Variants in SCRIB observed in about 807,000 individuals in gnomAD.
The protein encoded by SCRIB is scribble planar cell polarity protein.
SCRIB carries 72 observed loss-of-function variants against 170.0 expected under a neutral mutation model. The ratio of observed to expected loss-of-function variants is 0.42; its 90% CI spans 0.35 to 0.52. The LOEUF is 0.52. Among genes scored for constraint, SCRIB ranks in the 20% least tolerant of loss-of-function variants. The probability of loss-of-function intolerance (pLI) is 0.02; values close to 1 mark genes in which losing one functional copy is unlikely to be tolerated. For synonymous variants in SCRIB, 1,298 were observed against 1,044.3 expected, an observed-to-expected ratio of 1.24 and a Z score of -4.68; for missense variants, 2,475 against 2,338.5, an observed-to-expected ratio of 1.06 and a Z score of -1.20.
chr8:143,810,327 T>C, intron 13 of SCRIB, 152 bp downstream of exon 13: 3 of 1,185,478 alleles, frequency 2.5e-6, no homozygotes, highest in Non-Finnish European at 3.5e-6. Context: ...CAGCTGGCCC[T>C]GCAGCTCCAT....
Position 143,791,834 on chromosome 8 carries a change from T to A in SCRIB, c.4695+42A>T, listed in dbSNP as rs1402515561. ...GGGGGCAGGCCAGACCCCACCCCCA[T>A]GCCTCGGGGGTGAAGGGAAGGCATA... On this transcript the variant is annotated intron_variant, in intron 34 of 36. Transcript: ENST00000356994. The A allele has an allele frequency of 9.4e-6, 14 of 1,493,914 alleles. No homozygotes were observed. The African/African-American group carries it at 1.2e-4, about 13-fold the overall frequency. The allele number at this position is 1,493,914 out of a possible 1,614,324, so 92.5% of individuals were successfully genotyped here. A position where few individuals can be genotyped will look rare whatever the true frequency, so the allele number is the denominator to read the frequency against.
In SCRIB at chr8:143,814,151, G is replaced by C. The variant is rs562385156; in HGVS notation, c.160-33C>G. On this transcript the variant is annotated intron_variant, in intron 1 of 36. Coordinates refer to ENST00000356994, the MANE Select transcript of SCRIB (RefSeq NM_182706.5). ...CAGGGAGGACACGGACTCTGTGGCAGAGACCACTGCAGAGCAGAGAAGAGC... is the reference window on the plus strand; with the variant it reads ...CAGGGAGGACACGGACTCTGTGGCACAGACCACTGCAGAGCAGAGAAGAGC... 8.6e-6 allele frequency: 13 copies of C among 1,516,398 alleles called. No individual in the cohort carries two copies. The East Asian group carries it at 1.7e-4, about 20-fold the overall frequency. The allele number at this position is 1,516,398 out of a possible 1,614,324, so 93.9% of individuals were successfully genotyped here.
At chr8:143,802,188 C>T (rs781825603) in intron 24 of SCRIB, among the ~76,000 whole-genome samples, 1 of 152,248 alleles carries the variant, frequency 6.6e-6, no homozygotes, top group African/African-American at 2.4e-5. Context: ...CCCTCAAGGA[C>T]AGGAGGGGAC....
intron 24 of SCRIB, among the ~76,000 whole-genome samples, chr8:143,798,655 CAA>C (rs35169751): frequency 6.6e-6 from 1 of 152,100 alleles, no homozygotes; most frequent in African/African-American, 2.4e-5. Context: ...TATAAAATTA[CAA>C]AAGTTAGTAA....
At chr8:143,793,120 GCTGTCGGGGCTGCAGCT>G in intron 28 of SCRIB, 37 bp from the exon 29 acceptor site, 1 of 1,211,922 alleles carries the variant, frequency 8.3e-7, no homozygotes, top group Non-Finnish European at 1.1e-6. Context: ...TGCTGGGGCA[GCTGTCGGGGCTGCAGCT>G]GTGTGCAACT....
At chr8:143,813,260 T>A (rs1173106117) in intron 6 of SCRIB, 51 bp downstream of exon 6, 2 of 1,610,140 alleles carry the variant, frequency 1.2e-6, no homozygotes, top group Non-Finnish European at 1.7e-6. Context: ...TTCTTTGCCC[T>A]TGCTTCCGTG....
intron 24 of SCRIB, among the ~76,000 whole-genome samples, chr8:143,796,472 C>T (rs1814949177): frequency 6.6e-6 from 1 of 152,142 alleles, no homozygotes; most frequent in East Asian, 1.9e-4. Context: ...CAGGCAAACA[C>T]ACGGGAGGCA....
chr8:143,805,190 G>C lies in SCRIB; in HGVS notation c.2592C>G (p.Cys864Trp). The change falls in exon 19 of 37, where the codon TGC becomes TGG. Residue 864 changes from cysteine to tryptophan, a missense_variant. Coordinates refer to ENST00000356994, the MANE Select transcript of SCRIB (RefSeq NM_182706.5). ...PGPLRQRHVA[C>W]LARSERGLGF... is the part of the protein sequence containing the mutation. ...CCAGCCCCCTCTCGCTGCGTGCCAGGCAGGCCACGTGGCGCTGACGGAGGG... is the reference window on the plus strand; with the variant it reads ...CCAGCCCCCTCTCGCTGCGTGCCAGCCAGGCCACGTGGCGCTGACGGAGGG... 6.3e-7 allele frequency: 1 copy of C among 1,575,958 alleles called. No individual in the cohort carries two copies. Among genetic ancestry groups the C allele is most frequent in the Non-Finnish European group, 8.6e-7 (1 of 1,162,292 alleles).
chr8:143,815,064 AGGGTGGGGCTGGCTG>A (rs1816006017), intron 1 of SCRIB, 135 bp downstream of exon 1: 3 of 879,430 alleles, frequency 3.4e-6, no homozygotes, highest in Non-Finnish European at 4.8e-6. Context: ...CTGGAAGAGA[AGGGTGGGGCTGGCTG>A]GGGTGGGGAC....
In SCRIB at chr8:143,808,806, C is replaced by A. The variant is rs140455168; in HGVS notation, c.1918G>T (p.Val640Leu). The change falls in exon 15 of 37, where the codon GTG becomes TTG. Residue 640 changes from valine to leucine, a missense_variant. Around this residue, in one of 3 missense-constraint regions of SCRIB, gnomAD observed 1,966 missense variants for 1,742.9 expected, o/e 1.13. Transcript: ENST00000356994. ...CCATTGTGCCAGCCCCCGGGAGCCA[C>A]AGGGCCCTCCCCATCAGGCTGCATG... ...QGMQPDGEGP[V>L]APGGWHNGPH... 2 of 1,612,072 alleles carry A rather than the reference C, an allele frequency of 1.2e-6. No homozygotes were observed. Among genetic ancestry groups the A allele is most frequent in the Non-Finnish European group, 1.7e-6 (2 of 1,179,416 alleles).
Position 143,805,220 on chromosome 8 carries a change from G to A in SCRIB, c.2562C>T (p.Pro854=), listed in dbSNP as rs781817400. The change falls in exon 19 of 37, where the codon CCC becomes CCT. Residue 854 remains proline (P), a synonymous_variant. Coordinates refer to ENST00000356994, the MANE Select transcript of SCRIB (RefSeq NM_182706.5). ...LRLPLLPPES[P]GPLRQRHVAC... is the part of the protein sequence containing the mutation. ...CCACGTGGCGCTGACGGAGGGGCCC[G>A]GGGCTCTCAGGCGGGAGCAGGGGCA... 42 of 1,553,718 alleles carry A rather than the reference G, an allele frequency of 2.7e-5. No homozygotes were observed. The African/African-American group carries it at 3.0e-4, about 11-fold the overall frequency.
rs1375706646 is a variant in SCRIB at position 143,793,890 on chromosome 8, G to C, written c.3909+10C>G. 3.1e-6 allele frequency: 5 copies of C among 1,612,716 alleles called. No individual in the cohort carries two copies. The highest frequency in any genetic ancestry group is 1.7e-5 in the Admixed American group (1 of 59,960). ...ACCATGGGGCACACCCGTTAACTTG[G>C]GACACTCACCTGCTGGCCACTAGGG... On this transcript the variant is annotated intron_variant, in intron 28 of 36. Transcript: ENST00000356994.
intron 5 of SCRIB, 34 bp from the exon 6 acceptor site, chr8:143,813,408 C>A (rs778882540): frequency 4.0e-5 from 64 of 1,613,216 alleles, no homozygotes; most frequent in Non-Finnish European, 5.3e-5. Context: ...TGTGGCCACG[C>A]AGCCCTGGTC....
intron 25 of SCRIB, 24 bp from the exon 26 acceptor site, chr8:143,795,357 C>G: frequency 2.5e-6 from 4 of 1,612,422 alleles, no homozygotes; most frequent in Non-Finnish European, 3.4e-6. Flanking sequence ...AGAGCAGACC[C>G]GTCAGGCACC....
Position 143,807,589 on chromosome 8 carries a change from T to C in SCRIB, c.2141A>G (p.Asn714Ser). ...AATGCGAGCAGGCTCTATCAGCAGG[T>C]TATTGGCCTGGTCAAACGACACTCC... ...VKGVSFDQAN[N>S]LLIEPARIEE... Residue 714 changes from asparagine (N) to serine (S), a missense_variant, in exon 16 of 37, where the codon AAC (asparagine) becomes AGC (serine). Asn to Ser is a conservative substitution (Grantham distance 46). Around this residue, in one of 3 missense-constraint regions of SCRIB, gnomAD observed 1,966 missense variants for 1,742.9 expected, o/e 1.13. Transcript: ENST00000356994. 6.2e-7 allele frequency: 1 copy of C among 1,613,732 alleles called. No individual in the cohort carries two copies. The highest frequency in any genetic ancestry group is 8.5e-7 in the Non-Finnish European group (1 of 1,179,864).
At position 143,812,827 on chromosome 8, in the gene SCRIB, G is replaced by A. The variant is rs1418971456; in HGVS notation, c.777C>T (p.Pro259=). ...CCCAGGCACACTAACCGATGCCGTC[G>A]GGCAGCCTCCGCAGCAGGTTCTGGG... ...LLSQNLLRRL[P]DGIGQLKQLS... Residue 259 remains proline (P), a synonymous_variant, in exon 8 of 37, where the codon CCC becomes CCT. Coordinates refer to ENST00000356994, the MANE Select transcript of SCRIB (RefSeq NM_182706.5). 1.7e-5 allele frequency: 27 copies of A among 1,600,112 alleles called. No individual in the cohort carries two copies. The highest frequency in any genetic ancestry group is 2.2e-5 in the Non-Finnish European group (26 of 1,178,540).
intron 28 of SCRIB, chr8:143,793,364 C>T (rs985788714): frequency 7.1e-6 from 2 of 282,264 alleles, no homozygotes; most frequent in Non-Finnish European, 1.4e-5. Context: ...GTGGGGGCGG[C>T]GGGGGCAGAG....
At position 143,815,267 on chromosome 8, in the gene SCRIB, G is replaced by A. The variant is rs1816024510; in HGVS notation, c.106C>T (p.Arg36Cys). The change falls in exon 1 of 37, where the codon CGC (arginine) becomes TGC (cysteine). Residue 36 changes from arginine to cysteine, a missense_variant. Physicochemically the swap from Arg to Cys is radical, Grantham distance 180. Around this residue, in one of 3 missense-constraint regions of SCRIB, gnomAD observed 487 missense variants for 558.1 expected, o/e 0.87. Transcript: ENST00000356994. ...TCGAGCAGCAGCTCCTCCAGGCTGC[G>A]GCTGTAGCGGTAGATCTCCTCCGGC... ...AVPEEIYRYS[R>C]SLEELLLDAN... is the part of the protein sequence containing the mutation. The A allele has an allele frequency of 6.3e-7, 1 of 1,597,100 alleles. No individual in the cohort carries two copies. The highest frequency in any genetic ancestry group is 1.4e-5 in the African/African-American group (1 of 73,200).
At chr8:143,813,234 T>A in intron 6 of SCRIB, 77 bp downstream of exon 6, 1 of 1,599,042 alleles carries the variant, frequency 6.3e-7, no homozygotes, top group South Asian at 1.1e-5. Flanking sequence ...TGCTGTCGGA[T>A]CTGCTCGCTG....
Sources: allele counts gnomAD v4.1 joint callset (sites outside exome capture counted in the v4.1 genomes callset), GRCh38; gene constraint gnomAD v4.1.1; regional missense constraint gnomAD v4.1.1; transcripts MANE v1.5; gene names NCBI Gene and HGNC (gene_info 2026-07-23, HGNC 2026-07-21).